Variants in AP2A2 observed in about 807,000 individuals in gnomAD.
AP2A2 encodes the protein adaptor related protein complex 2 subunit alpha 2, also known as AP-2 complex subunit alpha-2.
Under a neutral mutation model 104.2 loss-of-function variants are expected in AP2A2, and 32 were observed. That is an observed-to-expected ratio of 0.31 (90% CI 0.23 to 0.41). AP2A2 has a LOEUF of 0.41. AP2A2 is among the 10% of genes least tolerant of loss of function. The pLI, the probability that AP2A2 is intolerant of heterozygous loss-of-function variation, is 1.00. For synonymous variants in AP2A2, 539 were observed against 533.3 expected, an observed-to-expected ratio of 1.01 and a Z score of -0.15; for missense variants, 912 against 1,261.0, an observed-to-expected ratio of 0.72 and a Z score of 4.19.
chr11:966,213 C>A (rs574981887), intron 2 of AP2A2, among the ~76,000 whole-genome samples: 107 of 152,354 alleles, frequency 7.0e-4, no homozygotes, highest in Middle Eastern at 3.4e-3. Context: ...GCTAAATAGG[C>A]CAGGCGCGGT....
chr11:993,491 G>C lies in AP2A2; in HGVS notation c.1550+110G>C. On this transcript the variant is annotated intron_variant, in intron 12 of 21. Coordinates refer to ENST00000448903, the MANE Select transcript of AP2A2 (RefSeq NM_012305.4). This position sits in a 1 kb window ranked among gnomAD's most constrained non-coding sequence, Gnocchi z 8.2. ...CCCTGCCGTGAGGCCTCGCAGAGCC[G>C]CTTCTGCTCCCCATCGGCGTCTTTT... 1.2e-6 allele frequency: 1 copy of C among 801,966 alleles called. No homozygotes were observed. Among genetic ancestry groups the C allele is most frequent in the Non-Finnish European group, 1.9e-6 (1 of 527,382 alleles). 49.7% of individuals were successfully genotyped at this position (801,966 alleles called of 1,614,324 possible). A position where few individuals can be genotyped will look rare whatever the true frequency, so the allele number is the denominator to read the frequency against.
At chr11:1,003,574 T>C (rs1418492984) in intron 15 of AP2A2, 148 bp from the exon 16 acceptor site, 2 of 534,708 alleles carry the variant, frequency 3.7e-6, no homozygotes, top group Middle Eastern at 2.8e-4. Context: ...GTCAGGATAG[T>C]CCTTGGAATA....
chr11:978,027 G>A (rs1257044702), intron 5 of AP2A2, among the ~76,000 whole-genome samples: 3 of 152,160 alleles, frequency 2.0e-5, no homozygotes, highest in Admixed American at 6.5e-5. Flanking sequence ...GGATTTTCCC[G>A]CTTTGCAGTC....
In AP2A2 at chr11:1,011,243, C is replaced by T. The variant is rs561319430; in HGVS notation, c.*618C>T. 37 of 519,310 alleles carry T rather than the reference C, an allele frequency of 7.1e-5. No individual in the cohort carries two copies. Among genetic ancestry groups the T allele is most frequent in the South Asian group, 5.2e-4 (37 of 71,596 alleles). The allele number at this position is 519,310 out of a possible 1,614,324, so 32.2% of individuals were successfully genotyped here. A position where few individuals can be genotyped will look rare whatever the true frequency, so the allele number is the denominator to read the frequency against. On this transcript the variant is annotated 3_prime_UTR_variant, in exon 22 of 22. Coordinates refer to ENST00000448903, the MANE Select transcript of AP2A2 (RefSeq NM_012305.4). ...GGATGTAACTGTTCTCCTTTCCCAGCTCCTGTTTGTGAAGGGCGTCTGTTA... is the reference window on the plus strand; with the variant it reads ...GGATGTAACTGTTCTCCTTTCCCAGTTCCTGTTTGTGAAGGGCGTCTGTTA...
At chr11:995,354 T>C (rs1297894128) in intron 14 of AP2A2, 10 of 455,802 alleles carry the variant, frequency 2.2e-5, no homozygotes, top group South Asian at 7.7e-5. Flanking sequence ...AAGTGTCGTT[T>C]TGAGAGTTGC....
intron 18 of AP2A2, 76 bp from the exon 19 acceptor site, chr11:1,009,023 TC>T: frequency 2.4e-6 from 3 of 1,252,902 alleles, no homozygotes; most frequent in Non-Finnish European, 3.4e-6. Flanking sequence ...CGCTTCTCAC[TC>T]CAGGCTCTTT....
chr11:983,670 A>C (rs190871205), intron 6 of AP2A2, among the ~76,000 whole-genome samples: 8 of 152,316 alleles, frequency 5.3e-5, no homozygotes, highest in Admixed American at 5.2e-4. Context: ...GGCGGGAGCC[A>C]CCGCACCTGG....
intron 1 of AP2A2, among the ~76,000 whole-genome samples, chr11:959,157 C>T (rs1398773185): frequency 6.6e-6 from 1 of 152,124 alleles, no homozygotes; most frequent in Non-Finnish European, 1.5e-5. Context: ...TGTGGAGCAC[C>T]CCCTGGGTGC....
rs146953215 is a variant in AP2A2, at chr11:981,110, G to A, written c.604-88G>A. On this transcript the variant is annotated intron_variant, in intron 5 of 21. Coordinates refer to ENST00000448903, the MANE Select transcript of AP2A2 (RefSeq NM_012305.4). ...GGCTGTGGGCTGCCACTGTGCTGCT[G>A]GTTGGTTTAAGGTTTTCTTTGGAAG... 547 of 1,125,964 alleles carry A rather than the reference G, an allele frequency of 4.9e-4. 3 individuals carry two copies. In the Middle Eastern group the frequency reaches 0.01, roughly 21 times the overall value. 69.7% of individuals were successfully genotyped at this position (1,125,964 alleles called of 1,614,324 possible). A position where few individuals can be genotyped will look rare whatever the true frequency, so the allele number is the denominator to read the frequency against.
rs1855100823 is a variant in AP2A2 at position 977,781 on chromosome 11, C to T, written c.603+557C>T. Among the ~76,000 whole-genome samples, 6 of 152,010 alleles carry T rather than the reference C, an allele frequency of 3.9e-5. No individual in the cohort carries two copies. In the South Asian group the frequency reaches 1.0e-3, roughly 26 times the overall value. On this transcript the variant is annotated intron_variant, in intron 5 of 21. Transcript: ENST00000448903. ...CAGGGGTGGATGTGGGCAGAATGTG[C>T]TTGTCCTGCCTGAACTCTGCTCTAT...
intron 14 of AP2A2, among the ~76,000 whole-genome samples, chr11:994,544 C>A (rs1159315042): frequency 1.4e-5 from 2 of 144,368 alleles, no homozygotes; most frequent in Non-Finnish European, 1.5e-5. Flanking sequence ...GGACGCCCCC[C>A]TGGCCTGTCC....
chr11:955,857 G>A (rs1229718114), intron 1 of AP2A2, among the ~76,000 whole-genome samples: 1 of 152,254 alleles, frequency 6.6e-6, no homozygotes, highest in Non-Finnish European at 1.5e-5. Flanking sequence ...GTTCGGCCCT[G>A]TGACTGCGTA....
rs753567386 is a variant in AP2A2, at chr11:1,000,455, C to T, written c.1980C>T (p.Asp660=). The change falls in exon 15 of 22, where the codon GAC becomes GAT. Residue 660 remains aspartate, a synonymous_variant. Coordinates refer to ENST00000448903, the MANE Select transcript of AP2A2 (RefSeq NM_012305.4). Reference sequence around the variant, plus strand: ...AGTCTACGCCTTCTCCGTCGGCAGACCTGCTGGGTCTCGGGGCTGCCCCCC... The same window carrying T: ...AGTCTACGCCTTCTCCGTCGGCAGATCTGCTGGGTCTCGGGGCTGCCCCCC... ...SAVSTPSPSA[D]LLGLGAAPPA... is the part of the protein sequence containing the mutation. 1.7e-5 allele frequency: 26 copies of T among 1,543,196 alleles called. No homozygotes were observed. The highest frequency in any genetic ancestry group is 2.1e-5 in the Non-Finnish European group (24 of 1,147,528).
At chr11:927,075 T>G (rs80277871) in intron 1 of AP2A2, among the ~76,000 whole-genome samples, 39 of 152,214 alleles carry the variant, frequency 2.6e-4, no homozygotes, top group African/African-American at 9.2e-4. Flanking sequence ...TTTTTGTTTT[T>G]CTTTTTTTTG....
intron 1 of AP2A2, among the ~76,000 whole-genome samples, chr11:926,774 C>A (rs1442883948): frequency 6.6e-6 from 1 of 152,202 alleles, no homozygotes. Flanking sequence ...GCCTCGCTGC[C>A]TGCTGCTCCA....
Position 1,010,924 on chromosome 11 carries a change from T to G in AP2A2, c.*299T>G. The G allele has an allele frequency of 1.4e-6, 1 of 698,994 alleles. No homozygotes were observed. The highest frequency in any genetic ancestry group is 2.6e-6 in the Non-Finnish European group (1 of 385,882). The allele number at this position is 698,994 out of a possible 1,614,324, so 43.3% of individuals were successfully genotyped here. ...TACAAATTAAAGGGAAATTAGAAGT[T>G]GGCGTGAACGTGGCGTTTGTGGGAG... On this transcript the variant is annotated 3_prime_UTR_variant, in exon 22 of 22. Transcript: ENST00000448903.
intron 10 of AP2A2, among the ~76,000 whole-genome samples, chr11:990,934 T>C (rs1289406142): frequency 3.1e-5 from 3 of 95,940 alleles, no homozygotes; most frequent in South Asian, 4.4e-4. Flanking sequence ...ATCCTTTCAG[T>C]CGGGTATGGT....
Position 1,009,708 on chromosome 11 carries a change from T to G in AP2A2, c.2633T>G (p.Leu878Arg). Reference protein sequence around the residue: ...AKIIGFGSALLEEVDPNPANF... With the variant: ...AKIIGFGSALREEVDPNPANF... ...ATCATTGGATTTGGTTCTGCACTTC[T>G]TGAAGAAGTTGATCCTAATCCTGCG... is the stretch of plus-strand genomic sequence containing the variant. Residue 878 changes from leucine (L) to arginine (R), a missense_variant, in exon 21 of 22, where the codon CTT (leucine) becomes CGT (arginine). Physicochemically the swap from Leu to Arg is moderately radical, Grantham distance 102 (BLOSUM62 -2). Transcript: ENST00000448903. 1 of 1,569,676 alleles carries G rather than the reference T, an allele frequency of 6.4e-7. No homozygotes were observed. Among genetic ancestry groups the G allele is most frequent in the South Asian group, 1.2e-5 (1 of 85,276 alleles).
intron 14 of AP2A2, among the ~76,000 whole-genome samples, chr11:995,759 C>T (rs1286078353): frequency 1.6e-5 from 2 of 127,760 alleles, no homozygotes; most frequent in African/African-American, 3.1e-5. Flanking sequence ...TCTCCCCTCC[C>T]TCCACCTAGT....
Sources: gnomAD v4.1 joint callset for allele counts (sites outside exome capture counted in the v4.1 genomes callset) on GRCh38, gnomAD v4.1.1 for gene constraint, Gnocchi (gnomAD v3.1) non-coding constraint, MANE v1.5 for transcripts, NCBI Gene and HGNC (gene_info 2026-07-23, HGNC 2026-07-21) for gene names.